Variants in MYO3B observed in about 807,000 individuals in gnomAD.
MYO3B encodes myosin-IIIb.
MYO3B carries 156 observed loss-of-function variants against 174.6 expected under a neutral mutation model. That is an observed-to-expected ratio of 0.89 (90% CI 0.78 to 1.02). The LOEUF is 1.02. Among genes scored for constraint, MYO3B ranks in the 50% least tolerant of loss-of-function variants. The probability of loss-of-function intolerance (pLI) is 0.00; values close to 1 mark genes in which losing one functional copy is unlikely to be tolerated. For synonymous variants in MYO3B, 563 were observed against 569.1 expected (o/e 0.99, Z 0.15); for missense variants, 1,632 against 1,639.4 (o/e 1.00, Z 0.08).
intron 3 of MYO3B, among the ~76,000 whole-genome samples, chr2:170,200,907 A>G (rs931316358): frequency 6.6e-5 from 10 of 152,192 alleles, no homozygotes; most frequent in African/African-American, 2.4e-4. Flanking sequence ...ACATCAGCCA[A>G]TCATTGCCTG....
At chr2:170,505,987 A>AAGGAT (rs1051686590) in intron 28 of MYO3B, among the ~76,000 whole-genome samples, 1 of 152,262 alleles carries the variant, frequency 6.6e-6, no homozygotes, top group Admixed American at 6.5e-5. Flanking sequence ...GCCCTGCCAA[A>AAGGAT]AACACAGATG....
intron 25 of MYO3B, among the ~76,000 whole-genome samples, chr2:170,473,435 T>A (rs1685112138): frequency 6.6e-6 from 1 of 152,128 alleles, no homozygotes; most frequent in Non-Finnish European, 1.5e-5. Flanking sequence ...CGTGAGCCAC[T>A]GCGCCCAGCC....
chr2:170,366,039 T>G (rs2094195492), intron 8 of MYO3B, among the ~76,000 whole-genome samples: 1 of 152,048 alleles, frequency 6.6e-6, no homozygotes, highest in Non-Finnish European at 1.5e-5. Flanking sequence ...GGGAGTGAAG[T>G]GAAAATGCTA....
intron 9 of MYO3B, among the ~76,000 whole-genome samples, chr2:170,377,463 C>T (rs918056702): frequency 2.0e-5 from 3 of 152,180 alleles, no homozygotes; most frequent in African/African-American, 4.8e-5. Flanking sequence ...TCTATTCTTA[C>T]GCTGCACTCA....
chr2:170,427,518 A>G (rs765803008), intron 22 of MYO3B, among the ~76,000 whole-genome samples: 9 of 152,250 alleles, frequency 5.9e-5, no homozygotes, highest in African/African-American at 1.9e-4. Flanking sequence ...GGTTATACAT[A>G]TATCTATAAG....
At chr2:170,360,304 A>T (rs1209053831) in intron 8 of MYO3B, among the ~76,000 whole-genome samples, 1 of 152,230 alleles carries the variant, frequency 6.6e-6, no homozygotes, top group Non-Finnish European at 1.5e-5. Context: ...GCCTGGACTA[A>T]GAAGCAGACC....
At chr2:170,482,463 C>G (rs1685758725) in intron 25 of MYO3B, among the ~76,000 whole-genome samples, 1 of 152,194 alleles carries the variant, frequency 6.6e-6, no homozygotes, top group Non-Finnish European at 1.5e-5. Context: ...CCCAAGCTCT[C>G]TCTTTGCCTG....
intron 21 of MYO3B, 145 bp from the exon 22 acceptor site, chr2:170,407,570 C>G: frequency 1.1e-6 from 1 of 901,890 alleles, no homozygotes; most frequent in South Asian, 1.8e-5. Context: ...ATAATTATTC[C>G]CTTTATCTGG....
At chr2:170,417,467 G>A (rs571410870) in intron 22 of MYO3B, among the ~76,000 whole-genome samples, 1 of 152,294 alleles carries the variant, frequency 6.6e-6, no homozygotes, top group African/African-American at 2.4e-5. Flanking sequence ...GGCCAAGTCT[G>A]GACTCCCAAT....
In MYO3B at chr2:170,255,340, C is replaced by T. The variant is rs367722467; in HGVS notation, c.749+19204C>T. ...AAGGGAGTCATCTCTTGTGCTCCTCCCCCCTTCCCTCACCATCCCTCCCTG... is the reference window on the plus strand; with the variant it reads ...AAGGGAGTCATCTCTTGTGCTCCTCTCCCCTTCCCTCACCATCCCTCCCTG... On this transcript the variant is annotated intron_variant, in intron 7 of 34. Coordinates refer to ENST00000408978, the MANE Select transcript of MYO3B (RefSeq NM_138995.5). Among the ~76,000 whole-genome samples, 27 of 152,200 alleles carry T rather than the reference C, an allele frequency of 1.8e-4. 1 individual carries two copies. The highest frequency in any genetic ancestry group is 6.5e-4 in the African/African-American group (27 of 41,522).
At chr2:170,367,227 C>G (rs2094205563) in intron 8 of MYO3B, among the ~76,000 whole-genome samples, 1 of 152,146 alleles carries the variant, frequency 6.6e-6, no homozygotes, top group Non-Finnish European at 1.5e-5. Context: ...GACGCTTCAA[C>G]AATTAACACA....
chr2:170,311,927 C>T (rs2093742733), intron 7 of MYO3B, among the ~76,000 whole-genome samples: 1 of 152,184 alleles, frequency 6.6e-6, no homozygotes, highest in Admixed American at 6.6e-5. Context: ...GGGTTTATTT[C>T]TGGACCCTCC....
intron 6 of MYO3B, among the ~76,000 whole-genome samples, chr2:170,223,283 T>C (rs1196163557): frequency 6.6e-6 from 1 of 152,222 alleles, no homozygotes; most frequent in Non-Finnish European, 1.5e-5. Context: ...CAACACAGTC[T>C]TCCTATTAGC....
At chr2:170,550,681 T>G (rs1690818825) in intron 32 of MYO3B, among the ~76,000 whole-genome samples, 1 of 152,224 alleles carries the variant, frequency 6.6e-6, no homozygotes, top group African/African-American at 2.4e-5. Context: ...TATAATATCT[T>G]GGTCTTTGCA....
At position 170,427,035 on chromosome 2, in the gene MYO3B, A is replaced by G. The variant is rs114454295; in HGVS notation, c.2651-16932A>G. On this transcript the variant is annotated intron_variant, in intron 22 of 34. Transcript: ENST00000408978. Reference sequence around the variant, plus strand: ...TCAGTCTCAAAAAAAAAAAGAAAAGAAATAGATACTTAGTACCTGGCTTCA... The same window carrying G: ...TCAGTCTCAAAAAAAAAAAGAAAAGGAATAGATACTTAGTACCTGGCTTCA... 6.4e-3 allele frequency among the ~76,000 whole-genome samples: 981 copies of G among 152,204 alleles called. 9 individuals carry two copies. Among genetic ancestry groups the G allele is most frequent in the African/African-American group, 0.022 (926 of 41,546 alleles).
At position 170,532,243 on chromosome 2, in the gene MYO3B, G is replaced by A. The variant is rs565346280; in HGVS notation, c.3576-10663G>A. Among the ~76,000 whole-genome samples, 23 of 152,256 alleles carry A rather than the reference G, an allele frequency of 1.5e-4. 1 individual carries two copies. The East Asian group carries it at 1.5e-3, about 10-fold the overall frequency. On this transcript the variant is annotated intron_variant, in intron 30 of 34. Coordinates refer to ENST00000408978, the MANE Select transcript of MYO3B (RefSeq NM_138995.5). ...TAGAGGGAGCCTTTACAAAATGACC[G>A]GCCTGTAGGCTCCAAAATGAAACAT...
chr2:170,516,183 A>T (rs1688294565), intron 29 of MYO3B, among the ~76,000 whole-genome samples: 1 of 152,182 alleles, frequency 6.6e-6, no homozygotes. Context: ...TCTCTGGTTC[A>T]TCACAAATCC....
At chr2:170,378,374 G>A (rs931444949) in intron 9 of MYO3B, among the ~76,000 whole-genome samples, 1 of 152,170 alleles carries the variant, frequency 6.6e-6, no homozygotes, top group African/African-American at 2.4e-5. Context: ...TATCAGAGTA[G>A]AGAAGTCTTG....
At chr2:170,582,186 A>G (rs1276170461) in intron 32 of MYO3B, among the ~76,000 whole-genome samples, 1 of 152,250 alleles carries the variant, frequency 6.6e-6, no homozygotes, top group East Asian at 1.9e-4. Flanking sequence ...CATGATGGCT[A>G]CAGACGCACT....
Sources: gnomAD v4.1 joint callset for allele counts (sites outside exome capture counted in the v4.1 genomes callset) on GRCh38, gnomAD v4.1.1 for gene constraint, MANE v1.5 for transcripts, NCBI Gene and HGNC (gene_info 2026-07-23, HGNC 2026-07-21) for gene names.